Variants in LINGO1 observed in about 807,000 individuals in gnomAD.
LINGO1 encodes the protein leucine-rich repeat and immunoglobulin-like domain-containing nogo receptor-interacting protein 1.
LINGO1 carries 11 observed loss-of-function variants against 37.3 expected under a neutral mutation model. The observed-to-expected ratio is 0.29, with a 90% CI of 0.19 to 0.49. The LOEUF (loss-of-function observed/expected upper bound fraction) is 0.49. Ranked by LOEUF, LINGO1 falls within the 20% of genes least tolerant of loss-of-function variation. LINGO1 has a pLI of 0.99. For missense variants in LINGO1, 585 were observed against 878.2 expected (o/e 0.67, Z 4.22); for synonymous variants, 387 against 403.0 (o/e 0.96, Z 0.48).
At chr15:77,726,626 T>G (rs1211940200) in intron 2 of LINGO1, among the ~76,000 whole-genome samples, 2 of 152,226 alleles carry the variant, frequency 1.3e-5, no homozygotes, top group Non-Finnish European at 2.9e-5. Context: ...ACACAAAACC[T>G]GAAACTATAC....
At chr15:77,691,183 T>G (rs971775184) in intron 1 of LINGO1, among the ~76,000 whole-genome samples, 6 of 152,192 alleles carry the variant, frequency 3.9e-5, no homozygotes, top group African/African-American at 1.4e-4. Flanking sequence ...TTTAATTAAT[T>G]TACATTTAAG....
intron 3 of LINGO1, among the ~76,000 whole-genome samples, chr15:77,643,401 C>T (rs557104099): frequency 6.6e-6 from 1 of 152,254 alleles, no homozygotes; most frequent in African/African-American, 2.4e-5. Flanking sequence ...CTCCCCTCCC[C>T]GTCTAGGTCA....
At chr15:77,801,347 G>A (rs926525102) in intron 1 of LINGO1, among the ~76,000 whole-genome samples, 2 of 152,226 alleles carry the variant, frequency 1.3e-5, no homozygotes, top group African/African-American at 2.4e-5. Flanking sequence ...CTGACAGAGT[G>A]AGGCACGTCT....
At chr15:77,766,297 C>CAAAAAAAAAA (rs71447163) in intron 1 of LINGO1, among the ~76,000 whole-genome samples, 2 of 49,064 alleles carry the variant, frequency 4.1e-5, no homozygotes, top group African/African-American at 1.7e-4. Flanking sequence ...GACCCTGTCT[C>CAAAAAAAAAA]AAAAAAAAAA....
At chr15:77,617,675 G>A (rs559532718) in intron 1 of LINGO1, among the ~76,000 whole-genome samples, 28 of 152,360 alleles carry the variant, frequency 1.8e-4, no homozygotes, top group African/African-American at 6.5e-4. Context: ...TAAGGCAACT[G>A]AGGCTCACAG....
intron 2 of LINGO1, among the ~76,000 whole-genome samples, chr15:77,713,056 T>C (rs980549799): frequency 1.3e-5 from 2 of 152,124 alleles, no homozygotes; most frequent in East Asian, 3.9e-4. Flanking sequence ...GTTTGTTTGT[T>C]TTTTGAGACA....
intron 1 of LINGO1, among the ~76,000 whole-genome samples, chr15:77,813,197 G>A (rs1567597760): frequency 6.6e-6 from 1 of 152,224 alleles, no homozygotes; most frequent in Non-Finnish European, 1.5e-5. Context: ...TTCTGAGGAA[G>A]GATGGGCTGC....
intron 1 of LINGO1, among the ~76,000 whole-genome samples, chr15:77,760,600 T>A (rs2076465694): frequency 6.6e-6 from 1 of 152,228 alleles, no homozygotes; most frequent in African/African-American, 2.4e-5. Flanking sequence ...ACGGTCCTTA[T>A]CAACCTGCTT....
chr15:77,664,170 T>TGTGTGC, intron 3 of LINGO1, among the ~76,000 whole-genome samples: 10,164 of 130,498 alleles, frequency 0.078, 540 homozygotes, highest in Admixed American at 0.13. Flanking sequence ...TGTGTGTGTG[T>TGTGTGC]GCGCGCGCGC....
At chr15:77,745,788 G>A (rs1017480348) in intron 1 of LINGO1, among the ~76,000 whole-genome samples, 2 of 152,080 alleles carry the variant, frequency 1.3e-5, no homozygotes, top group Non-Finnish European at 2.9e-5. Context: ...ATCCAGGGTC[G>A]GGCAAACTTT....
At chr15:77,776,475 AGGAAGGCAGGAAAGCAGGAAGGCAGGAAG>A (rs1567577525) in intron 1 of LINGO1, among the ~76,000 whole-genome samples, 4 of 138,064 alleles carry the variant, frequency 2.9e-5, no homozygotes, top group African/African-American at 1.1e-4. Flanking sequence ...GCAGGAAGGC[AGGAAGGCAGGAAAGCAGGAAGGCAGGAAG>A]GCAGGAAGGC....
In LINGO1 at chr15:77,632,721, C is replaced by T. The variant is rs900794502; in HGVS notation, c.-406G>A. On this transcript the variant is annotated 5_prime_UTR_variant, in exon 1 of 2. Transcript: ENST00000355300. The surrounding 1 kb of genome is among the most constrained non-coding windows in gnomAD (Gnocchi z 6.0). ...GGCCGGGGCCGGCGGGCAGCGGCCG[C>T]GCATGCTGCTCGGCGCCCCGCGTCG... Among the ~76,000 whole-genome samples, 20 of 145,336 alleles carry T rather than the reference C, an allele frequency of 1.4e-4. No homozygotes were observed. The highest frequency in any genetic ancestry group is 4.6e-5 in the Non-Finnish European group (3 of 65,542).
At chr15:77,778,510 C>T (rs1273895740) in intron 1 of LINGO1, among the ~76,000 whole-genome samples, 2 of 152,184 alleles carry the variant, frequency 1.3e-5, no homozygotes, top group African/African-American at 2.4e-5. Flanking sequence ...CTCATTTCAC[C>T]CCAGCTGATT....
At chr15:77,633,571 C>G (rs2074332489), upstream of LINGO1, among the ~76,000 whole-genome samples, 1 of 152,188 alleles carries the variant, frequency 6.6e-6, no homozygotes. Flanking sequence ...CAGCTCTACC[C>G]AGGAGCCGGG....
chr15:77,642,371 A>G (rs184227730), intron 3 of LINGO1, among the ~76,000 whole-genome samples: 404 of 152,352 alleles, frequency 2.7e-3, no homozygotes, highest in African/African-American at 9.4e-3. Flanking sequence ...CAACAGGGAG[A>G]GGCCCCATGG....
At chr15:77,700,724 A>G (rs1007760187), upstream of LINGO1, among the ~76,000 whole-genome samples, 6 of 152,182 alleles carry the variant, frequency 3.9e-5, no homozygotes, top group Non-Finnish European at 1.5e-5. Context: ...AACCTGGGTG[A>G]GCAGGGGCGG....
At chr15:77,662,347 C>A (rs955994154) in intron 3 of LINGO1, among the ~76,000 whole-genome samples, 2 of 152,088 alleles carry the variant, frequency 1.3e-5, no homozygotes, top group Admixed American at 6.5e-5. Context: ...GAGAGAAGGG[C>A]GGTCAGAGGG....
At chr15:77,730,155 A>T (rs1469846075) in intron 2 of LINGO1, among the ~76,000 whole-genome samples, 1 of 151,900 alleles carries the variant, frequency 6.6e-6, no homozygotes, top group Non-Finnish European at 1.5e-5. Context: ...CATAGGAGGA[A>T]GGCTCTGCTT....
chr15:77,634,521 G>C (rs1031321755), upstream of LINGO1, among the ~76,000 whole-genome samples: 2 of 152,314 alleles, frequency 1.3e-5, no homozygotes, highest in African/African-American at 2.4e-5. Context: ...GGAAGCCCAG[G>C]CCCAGAGAGG....
Sources: allele counts gnomAD v4.1 joint callset (sites outside exome capture counted in the v4.1 genomes callset), GRCh38; gene constraint gnomAD v4.1.1; non-coding constraint Gnocchi (gnomAD v3.1); transcripts MANE v1.5; gene names NCBI Gene and HGNC (gene_info 2026-07-23, HGNC 2026-07-21).